FGF14: variants seen among roughly 807,000 people sequenced by gnomAD.
FGF14 encodes the protein fibroblast growth factor 14, also known as fibroblast growth factor homologous factor 4.
A neutral mutation model predicts 25.5 loss-of-function variants in FGF14; 5 were observed. The ratio of observed to expected loss-of-function variants is 0.20; its 90% CI spans 0.10 to 0.41. The LOEUF (loss-of-function observed/expected upper bound fraction) is 0.41. Ranked by LOEUF, FGF14 falls within the 10% of genes least tolerant of loss-of-function variation. FGF14 has a pLI of 1.00. For synonymous variants in FGF14, 138 were observed against 118.3 expected (o/e 1.17, Z -1.08); for missense variants, 222 against 320.1 (o/e 0.69, Z 2.34).
chr13:102,211,873 T>G (rs942828585), intron 1 of FGF14, among the ~76,000 whole-genome samples: 11 of 152,348 alleles, frequency 7.2e-5, no homozygotes, highest in Admixed American at 2.0e-4. Flanking sequence ...TGAGACTGCC[T>G]TTTGTTACTA....
intron 3 of FGF14, among the ~76,000 whole-genome samples, chr13:101,778,379 G>A (rs1372371081): frequency 2.0e-5 from 3 of 152,056 alleles, no homozygotes; most frequent in Non-Finnish European, 2.9e-5. Flanking sequence ...GTTCATCATG[G>A]TTCTCCTTGT....
chr13:102,235,413 G>A (rs929353080), intron 1 of FGF14, among the ~76,000 whole-genome samples: 2 of 152,136 alleles, frequency 1.3e-5, no homozygotes, highest in Non-Finnish European at 2.9e-5. Context: ...GCTGCTCAAA[G>A]TTTGGTCTGT....
intron 1 of FGF14, among the ~76,000 whole-genome samples, chr13:102,137,464 C>T (rs79653053): frequency 0.022 from 3,378 of 152,212 alleles, 114 homozygotes; most frequent in African/African-American, 0.071. Context: ...GGTCATATGC[C>T]TGATGTGTCC....
At chr13:101,998,093 G>A (rs1195250012) in intron 1 of FGF14, among the ~76,000 whole-genome samples, 1 of 151,904 alleles carries the variant, frequency 6.6e-6, no homozygotes, top group Non-Finnish European at 1.5e-5. Context: ...TTTGCTAATT[G>A]GGTTAAGATA....
At chr13:102,390,467 A>G (rs978486726) in intron 1 of FGF14, among the ~76,000 whole-genome samples, 2 of 152,246 alleles carry the variant, frequency 1.3e-5, no homozygotes, top group Non-Finnish European at 2.9e-5. Flanking sequence ...CACTTTCACA[A>G]GCATTCTGTT....
At chr13:102,357,846 C>A (rs1448776446) in intron 1 of FGF14, among the ~76,000 whole-genome samples, 1 of 152,162 alleles carries the variant, frequency 6.6e-6, no homozygotes, top group Non-Finnish European at 1.5e-5. Context: ...CACAGAGAAA[C>A]ACACACACTA....
intron 1 of FGF14, among the ~76,000 whole-genome samples, chr13:102,348,913 T>G (rs1420298043): frequency 6.6e-6 from 1 of 152,146 alleles, no homozygotes; most frequent in Non-Finnish European, 1.5e-5. Context: ...TCAGCAATCT[T>G]CTCTTCCTGG....
At chr13:101,967,840 A>C (rs2037314197) in intron 1 of FGF14, 1 of 153,288 alleles carries the variant, frequency 6.5e-6, no homozygotes, top group Non-Finnish European at 1.5e-5. Flanking sequence ...ACACCCAATA[A>C]ATTCCTGCTG....
At chr13:102,236,137 C>T (rs545344707) in intron 1 of FGF14, among the ~76,000 whole-genome samples, 6 of 152,260 alleles carry the variant, frequency 3.9e-5, no homozygotes, top group Admixed American at 6.5e-5. Context: ...AAGGTGAGTG[C>T]GTCCCTCCTC....
chr13:102,381,250 A>G (rs1203335690), intron 1 of FGF14, among the ~76,000 whole-genome samples: 2 of 152,224 alleles, frequency 1.3e-5, no homozygotes, highest in Admixed American at 1.3e-4. Flanking sequence ...TCACTCCATT[A>G]TCTACAAATA....
intron 1 of FGF14, among the ~76,000 whole-genome samples, chr13:101,969,616 C>A (rs2037472674): frequency 6.6e-6 from 1 of 152,184 alleles, no homozygotes; most frequent in African/African-American, 2.4e-5. Flanking sequence ...CACACTACAT[C>A]CACATGACTG....
chr13:102,111,977 T>C (rs2045252071), intron 1 of FGF14, among the ~76,000 whole-genome samples: 1 of 152,188 alleles, frequency 6.6e-6, no homozygotes, highest in African/African-American at 2.4e-5. Flanking sequence ...TTAATTCTCA[T>C]GTTATCCTCA....
At chr13:101,779,942 A>C (rs2039386561) in intron 3 of FGF14, among the ~76,000 whole-genome samples, 1 of 152,124 alleles carries the variant, frequency 6.6e-6, no homozygotes, top group African/African-American at 2.4e-5. Flanking sequence ...TATTTTCAGC[A>C]AGTATCATGC....
chr13:101,869,198 T>C (rs2044900716), intron 2 of FGF14, among the ~76,000 whole-genome samples: 1 of 152,170 alleles, frequency 6.6e-6, no homozygotes, highest in Middle Eastern at 3.2e-3. Context: ...AAGTCGAGTG[T>C]TTATTCTGAC....
At chr13:102,211,691 G>A (rs879390140) in intron 1 of FGF14, among the ~76,000 whole-genome samples, 9 of 152,074 alleles carry the variant, frequency 5.9e-5, no homozygotes, top group African/African-American at 9.7e-5. Context: ...TTTTAATTTT[G>A]TTCAATATAT....
At chr13:101,724,482 A>G (rs2035233493) in intron 4 of FGF14, among the ~76,000 whole-genome samples, 2 of 151,464 alleles carry the variant, frequency 1.3e-5, no homozygotes, top group African/African-American at 4.9e-5. Flanking sequence ...TAGGAGATAT[A>G]CCTAATGTAA....
chr13:101,831,911 G>A (rs1235373332), intron 3 of FGF14, among the ~76,000 whole-genome samples: 1 of 152,072 alleles, frequency 6.6e-6, no homozygotes, highest in Non-Finnish European at 1.5e-5. Context: ...AATATTGGGC[G>A]TGATAGTGTG....
intron 1 of FGF14, among the ~76,000 whole-genome samples, chr13:102,039,652 C>T (rs1283098163): frequency 6.6e-6 from 1 of 152,076 alleles, no homozygotes; most frequent in East Asian, 1.9e-4. Flanking sequence ...TGGATTATGG[C>T]CCACCCTAAT....
rs149860489 is a variant in FGF14 at position 102,133,824 on chromosome 13, T to C, written c.209-258528A>G. Among the ~76,000 whole-genome samples the C allele has an allele frequency of 2.7e-3, 412 of 152,136 alleles. 2 individuals carry two copies. The highest frequency in any genetic ancestry group is 4.9e-3 in the Non-Finnish European group (332 of 68,020). ...CGTTGCTGCATGTGGAGGTTAATAC[T>C]CATGTCATGAGCACCAAAAGTCTGG... On this transcript the variant is annotated intron_variant, in intron 1 of 4. Coordinates refer to the FGF14 transcript ENST00000376131.
Sources: allele counts gnomAD v4.1 joint callset (sites outside exome capture counted in the v4.1 genomes callset), GRCh38; gene constraint gnomAD v4.1.1; transcripts MANE v1.5; gene names NCBI Gene and HGNC (gene_info 2026-07-23, HGNC 2026-07-21).